LDLRAD4: variants seen among roughly 807,000 people sequenced by gnomAD.
LDLRAD4 encodes low density lipoprotein receptor class A domain containing 4, also known as low-density lipoprotein receptor class A domain-containing protein 4.
A neutral mutation model predicts 17.0 loss-of-function variants in LDLRAD4; 5 were observed. The observed-to-expected ratio is 0.29, with a 90% CI of 0.15 to 0.62. The LOEUF (loss-of-function observed/expected upper bound fraction) is 0.62, where lower values mean the gene tolerates loss of function less well. Among genes scored for constraint, LDLRAD4 ranks in the 20% least tolerant of loss-of-function variants. The probability of loss-of-function intolerance (pLI) is 0.84; values close to 1 mark genes in which losing one functional copy is unlikely to be tolerated. For synonymous variants in LDLRAD4, 168 were observed against 171.8 expected, an observed-to-expected ratio of 0.98 and a Z score of 0.17; for missense variants, 340 against 424.7, an observed-to-expected ratio of 0.80 and a Z score of 1.75.
intron 1 of LDLRAD4, among the ~76,000 whole-genome samples, chr18:13,333,536 G>A (rs1467887011): frequency 6.6e-6 from 1 of 152,132 alleles, no homozygotes; most frequent in Admixed American, 6.5e-5. Context: ...TTTATAGTTT[G>A]TGTTTTACAT....
intron 1 of LDLRAD4, among the ~76,000 whole-genome samples, chr18:13,315,016 A>C (rs2080853226): frequency 6.6e-6 from 1 of 152,188 alleles, no homozygotes; most frequent in African/African-American, 2.4e-5. Flanking sequence ...ACCCAGCCAG[A>C]AGGCTATTCT....
At chr18:13,263,482 G>A (rs1308703968) in intron 1 of LDLRAD4, among the ~76,000 whole-genome samples, 1 of 152,202 alleles carries the variant, frequency 6.6e-6, no homozygotes, top group African/African-American at 2.4e-5. Flanking sequence ...AACACACAGA[G>A]CTGTGCAGTG....
chr18:13,310,017 A>C (rs2047138321), intron 1 of LDLRAD4, among the ~76,000 whole-genome samples: 1 of 152,074 alleles, frequency 6.6e-6, no homozygotes. Flanking sequence ...GAATCTGCAG[A>C]ATGGCTTTGT....
intron 1 of LDLRAD4, among the ~76,000 whole-genome samples, chr18:13,371,707 G>A (rs2144867338): frequency 6.6e-6 from 1 of 151,910 alleles, no homozygotes; most frequent in Non-Finnish European, 1.5e-5. Flanking sequence ...GGAGGTTGCA[G>A]TGAGCCGAGA....
At chr18:13,223,002 A>G (rs1598735640) in intron 1 of LDLRAD4, among the ~76,000 whole-genome samples, 1 of 152,126 alleles carries the variant, frequency 6.6e-6, no homozygotes, top group South Asian at 2.1e-4. Flanking sequence ...CCTGGGTGGC[A>G]CTCCTTGGGC....
In LDLRAD4 at chr18:13,506,162, G is replaced by T. The variant is rs368153372; in HGVS notation, c.181+67778G>T. Among the ~76,000 whole-genome samples, 15 of 152,136 alleles carry T rather than the reference G, an allele frequency of 9.9e-5. No homozygotes were observed. In the East Asian group the frequency reaches 1.9e-3, roughly 20 times the overall value. ...TTCCTCCTAAGCTCACCTTCCCCTGGGCGTGACAGGAGTCTCACTGCAGCC... is the reference window on the plus strand; with the variant it reads ...TTCCTCCTAAGCTCACCTTCCCCTGTGCGTGACAGGAGTCTCACTGCAGCC... On this transcript the variant is annotated intron_variant, in intron 3 of 5. Transcript: ENST00000359446.
intron 3 of LDLRAD4, among the ~76,000 whole-genome samples, chr18:13,485,352 G>A (rs1242272376): frequency 6.6e-6 from 1 of 152,226 alleles, no homozygotes; most frequent in Non-Finnish European, 1.5e-5. Flanking sequence ...CCTGAGTGAG[G>A]GGCTCGGCCT....
chr18:13,512,493 T>G (rs897906918), intron 3 of LDLRAD4, among the ~76,000 whole-genome samples: 1 of 152,242 alleles, frequency 6.6e-6, no homozygotes, highest in Non-Finnish European at 1.5e-5. Flanking sequence ...CCTTAATGCT[T>G]TTGGACATAT....
chr18:13,629,660 T>A (rs1227166643), intron 4 of LDLRAD4, among the ~76,000 whole-genome samples: 4 of 152,200 alleles, frequency 2.6e-5, no homozygotes, highest in African/African-American at 7.2e-5. Context: ...TGAACATTTT[T>A]ATCAACAAAT....
intron 1 of LDLRAD4, among the ~76,000 whole-genome samples, chr18:13,312,474 C>T (rs532252615): frequency 3.9e-5 from 6 of 152,202 alleles, no homozygotes; most frequent in African/African-American, 4.8e-5. Context: ...GAGGGCCAGG[C>T]GCAGTGGCTC....
At chr18:13,413,907 A>G in intron 2 of LDLRAD4, among the ~76,000 whole-genome samples, 1 of 152,298 alleles carries the variant, frequency 6.6e-6, no homozygotes, top group Middle Eastern at 3.4e-3. Context: ...AAATTAAAAA[A>G]AAAAAATTTT....
chr18:13,590,114 C>T (rs1019878021), intron 3 of LDLRAD4, among the ~76,000 whole-genome samples: 7 of 150,012 alleles, frequency 4.7e-5, no homozygotes, highest in African/African-American at 1.7e-4. Context: ...TGTGTGACTG[C>T]ATGTGCGTGG....
chr18:13,252,619 C>T (rs1037515471), intron 1 of LDLRAD4, among the ~76,000 whole-genome samples: 6 of 152,150 alleles, frequency 3.9e-5, no homozygotes, highest in South Asian at 2.1e-4. Flanking sequence ...GCAGCTGCAC[C>T]CTGGGAACTC....
intron 4 of LDLRAD4, among the ~76,000 whole-genome samples, chr18:13,639,848 A>G (rs1263858904): frequency 1.3e-5 from 2 of 152,222 alleles, no homozygotes; most frequent in Non-Finnish European, 2.9e-5. Flanking sequence ...TTATACCTCA[A>G]TAAAGCTGGA....
Position 13,588,499 on chromosome 18 carries a change from T to C in LDLRAD4, c.182-32618T>C, listed in dbSNP as rs145611481. ...TTACAGATGGGGCTTCATTAAGGAA[T>C]GTATTTTAAAATATGTGATCAAAAC... On this transcript the variant is annotated intron_variant, in intron 3 of 5. Coordinates refer to ENST00000359446, the Ensembl canonical transcript of LDLRAD4. Among the ~76,000 whole-genome samples, 683 of 152,318 alleles carry C rather than the reference T, an allele frequency of 4.5e-3. 4 individuals carry two copies. The highest frequency in any genetic ancestry group is 0.016 in the African/African-American group (648 of 41,572).
intron 3 of LDLRAD4, among the ~76,000 whole-genome samples, chr18:13,523,743 G>A (rs545234632): frequency 6.6e-6 from 1 of 152,280 alleles, no homozygotes; most frequent in East Asian, 1.9e-4. Flanking sequence ...GGACCCCTTT[G>A]CCTTTCCAGG....
chr18:13,299,778 G>A (rs2046476023), intron 1 of LDLRAD4, among the ~76,000 whole-genome samples: 1 of 152,130 alleles, frequency 6.6e-6, no homozygotes, highest in African/African-American at 2.4e-5. Flanking sequence ...GGAGGTTGAG[G>A]CTGCAGTGAG....
intron 3 of LDLRAD4, among the ~76,000 whole-genome samples, chr18:13,548,419 A>AC (rs1486645670): frequency 6.6e-6 from 1 of 151,994 alleles, no homozygotes; most frequent in Admixed American, 6.5e-5. Context: ...CACTTTCAGC[A>AC]CCCCCTTGGC....
intron 1 of LDLRAD4, among the ~76,000 whole-genome samples, chr18:13,331,353 A>T (rs1042576001): frequency 6.6e-6 from 1 of 152,204 alleles, no homozygotes. Context: ...TTGCTCTCAG[A>T]AGACTTCTGT....
Sources: allele counts gnomAD v4.1 joint callset (sites outside exome capture counted in the v4.1 genomes callset), GRCh38; gene constraint gnomAD v4.1.1; transcripts MANE v1.5; gene names NCBI Gene and HGNC (gene_info 2026-07-23, HGNC 2026-07-21).